Variants in NLN observed in about 807,000 individuals in gnomAD.
NLN encodes neurolysin, also known as neurolysin, mitochondrial.
A neutral mutation model predicts 79.9 loss-of-function variants in NLN; 64 were observed. The ratio of observed to expected loss-of-function variants is 0.80; its 90% CI spans 0.65 to 0.99. The LOEUF (loss-of-function observed/expected upper bound fraction) is 0.99. NLN is among the 50% of genes least tolerant of loss of function. NLN has a pLI of 0.00. For synonymous variants in NLN, 267 were observed against 296.6 expected (o/e 0.90, Z 1.02); for missense variants, 835 against 858.7 (o/e 0.97, Z 0.34).
intron 9 of NLN, among the ~76,000 whole-genome samples, chr5:65,793,868 A>G (rs558404431): frequency 2.2e-4 from 33 of 152,260 alleles, no homozygotes; most frequent in Admixed American, 2.1e-3. Flanking sequence ...TTCCATTCCA[A>G]TAGCACATTT....
chr5:65,791,758 T>G (rs1760066941), intron 8 of NLN, among the ~76,000 whole-genome samples: 1 of 151,352 alleles, frequency 6.6e-6, no homozygotes, highest in Non-Finnish European at 1.5e-5. Context: ...GTACTATTAG[T>G]CTTCTGAGCA....
intron 3 of NLN, among the ~76,000 whole-genome samples, chr5:65,768,018 T>C (rs1404280677): frequency 1.3e-5 from 2 of 152,174 alleles, no homozygotes; most frequent in African/African-American, 4.8e-5. Context: ...GCATTTTTGG[T>C]CACAACCATT....
intron 3 of NLN, among the ~76,000 whole-genome samples, chr5:65,767,420 G>T (rs187742763): frequency 9.0e-4 from 137 of 152,324 alleles, no homozygotes; most frequent in Middle Eastern, 6.8e-3. Flanking sequence ...GCTGGAGCTG[G>T]AGCAACTGGG....
At chr5:65,774,147 G>GT (rs200598760) in intron 3 of NLN, among the ~76,000 whole-genome samples, 2,149 of 150,272 alleles carry the variant, frequency 0.014, 35 homozygotes, top group Admixed American at 0.042. Context: ...TGTAATATGA[G>GT]TATATAATCA....
intron 9 of NLN, among the ~76,000 whole-genome samples, chr5:65,805,413 TG>T (rs1450375664): frequency 1.3e-5 from 2 of 152,220 alleles, no homozygotes; most frequent in African/African-American, 4.8e-5. Context: ...TTATTACAAG[TG>T]CTACTCCAAT....
intron 1 of NLN, chr5:65,722,719 A>G: frequency 2.4e-6 from 1 of 418,526 alleles, no homozygotes. Flanking sequence ...TGGATAAGAA[A>G]ATCATTTCAC....
chr5:65,806,504 A>G (rs1030732846), intron 9 of NLN, among the ~76,000 whole-genome samples: 1 of 152,228 alleles, frequency 6.6e-6, no homozygotes, highest in African/African-American at 2.4e-5. Context: ...AGCTGCAGAT[A>G]TGGTAGAAAC....
chr5:65,761,640 C>G (rs1759343204), intron 2 of NLN, among the ~76,000 whole-genome samples: 1 of 152,168 alleles, frequency 6.6e-6, no homozygotes. Flanking sequence ...ACTAGTATCA[C>G]TTAAATAAGT....
At chr5:65,738,065 G>T (rs1190694294) in intron 1 of NLN, among the ~76,000 whole-genome samples, 1 of 151,522 alleles carries the variant, frequency 6.6e-6, no homozygotes, top group Non-Finnish European at 1.5e-5. Flanking sequence ...GGAGGCGGAG[G>T]TTGCAGTGAG....
intron 7 of NLN, among the ~76,000 whole-genome samples, chr5:65,786,424 A>G (rs761637715): frequency 3.9e-5 from 6 of 152,224 alleles, no homozygotes; most frequent in Non-Finnish European, 8.8e-5. Flanking sequence ...ACTGTTATCT[A>G]GTAACTATAA....
chr5:65,812,010 G>T (rs535008283), intron 11 of NLN, among the ~76,000 whole-genome samples: 9 of 152,154 alleles, frequency 5.9e-5, no homozygotes, highest in Admixed American at 1.3e-4. Context: ...GGACAAAGCC[G>T]CTGAAACTAT....
intron 1 of NLN, among the ~76,000 whole-genome samples, chr5:65,756,027 T>C (rs543610305): frequency 3.5e-4 from 53 of 152,166 alleles, no homozygotes; most frequent in Non-Finnish European, 6.0e-4. Context: ...GCCAGAGTCA[T>C]GAATGGCATT....
At chr5:65,812,233 T>G in intron 11 of NLN, 22 bp from the exon 12 acceptor site, 1 of 1,611,196 alleles carries the variant, frequency 6.2e-7, no homozygotes, top group Non-Finnish European at 8.5e-7. Context: ...TCACATTGAT[T>G]GAAATGTATC....
intron 1 of NLN, among the ~76,000 whole-genome samples, chr5:65,732,510 G>C (rs1222227377): frequency 1.4e-5 from 2 of 142,450 alleles, no homozygotes; most frequent in African/African-American, 2.6e-5. Context: ...CAATGATCCT[G>C]TCTCTAATTC....
At position 65,738,942 on chromosome 5, in the gene NLN, T is replaced by TTATA. The variant is rs1758799015; in HGVS notation, c.41+16528_41+16529insTATA. 3.7e-3 allele frequency among the ~76,000 whole-genome samples: 325 copies of TTATA among 87,896 alleles called. 4 individuals carry two copies. The highest frequency in any genetic ancestry group is 0.014 in the African/African-American group (303 of 22,342). The allele number at this position is 87,896 out of a possible 152,430, so 57.7% of individuals were successfully genotyped here. A position where few individuals can be genotyped will look rare whatever the true frequency, so the allele number is the denominator to read the frequency against. On this transcript the variant is annotated intron_variant, in intron 1 of 12. Coordinates refer to ENST00000380985, the MANE Select transcript of NLN (RefSeq NM_020726.5). ...TATATATGTGTGTATATATATTTTTTATATATGTTTATATATATGTATATA... is the reference window on the plus strand; with the variant it reads ...TATATATGTGTGTATATATATTTTTTTATAATATATGTTTATATATATGTATATA...
intron 1 of NLN, among the ~76,000 whole-genome samples, chr5:65,728,103 G>A (rs911357794): frequency 2.0e-5 from 3 of 152,098 alleles, no homozygotes; most frequent in Admixed American, 6.6e-5. Context: ...AATGATGACA[G>A]CAATGCGTGT....
intron 2 of NLN, among the ~76,000 whole-genome samples, chr5:65,761,111 A>G (rs948293277): frequency 6.6e-5 from 10 of 152,074 alleles, no homozygotes; most frequent in African/African-American, 2.4e-4. Flanking sequence ...TGGCAGTGAG[A>G]GCATAAATCT....
rs1345643169 is a variant in NLN at position 65,823,228 on chromosome 5, T to G, written c.*313T>G. ...TCTAGATAATATGATATAAGAGGGC[T>G]AAGAATTTTTAAATTGAATCATATA... is the stretch of plus-strand genomic sequence containing the variant. On this transcript the variant is annotated 3_prime_UTR_variant, in exon 13 of 13. Coordinates refer to ENST00000380985, the MANE Select transcript of NLN (RefSeq NM_020726.5). 4.8e-6 allele frequency: 1 copy of G among 206,240 alleles called. No homozygotes were observed. The highest frequency in any genetic ancestry group is 9.8e-6 in the Non-Finnish European group (1 of 102,272). The allele number at this position is 206,240 out of a possible 1,614,324, so 12.8% of individuals were successfully genotyped here.
rs1161312228 is a variant in NLN, at chr5:65,827,745, G to A, written c.*4830G>A. ...ATCTAAAATTATTTTGGCCGGGCAAGGTGGGTCACGCCTGTAATCTCAGCA... is the reference window on the plus strand; with the variant it reads ...ATCTAAAATTATTTTGGCCGGGCAAAGTGGGTCACGCCTGTAATCTCAGCA... On this transcript the variant is annotated 3_prime_UTR_variant, in exon 13 of 13. Coordinates refer to ENST00000380985, the MANE Select transcript of NLN (RefSeq NM_020726.5). 2 of 152,218 alleles carry A rather than the reference G, an allele frequency of 1.3e-5. No individual in the cohort carries two copies. The highest frequency in any genetic ancestry group is 4.8e-5 in the African/African-American group (2 of 41,460). The allele number at this position is 152,218 out of a possible 1,614,324, so 9.4% of individuals were successfully genotyped here.
Sources: gnomAD v4.1 joint callset for allele counts (sites outside exome capture counted in the v4.1 genomes callset) on GRCh38, gnomAD v4.1.1 for gene constraint, MANE v1.5 for transcripts, NCBI Gene and HGNC (gene_info 2026-07-23, HGNC 2026-07-21) for gene names.